Variants in SLCO3A1 observed in about 807,000 individuals in gnomAD.
SLCO3A1 encodes solute carrier organic anion transporter family member 3A1.
A neutral mutation model predicts 63.1 loss-of-function variants in SLCO3A1; 27 were observed. That is an observed-to-expected ratio of 0.43 (90% CI 0.32 to 0.59). The LOEUF (loss-of-function observed/expected upper bound fraction) is 0.59. SLCO3A1 is among the 20% of genes least tolerant of loss of function. The pLI is 0.09. For synonymous variants in SLCO3A1, 473 were observed against 409.9 expected (o/e 1.15, Z -1.86); for missense variants, 773 against 945.8 (o/e 0.82, Z 2.40).
rs575646986 is a variant in SLCO3A1, at chr15:91,968,076, G to A, written c.646+51618G>A. On this transcript the variant is annotated intron_variant, in intron 2 of 9. Transcript: ENST00000318445. This position sits in a 1 kb window ranked among gnomAD's most constrained non-coding sequence, Gnocchi z 4.2. The stretch of plus-strand genomic sequence containing the variant: ...ATTTTCTAGAGTCCCCTGCCTAGTC[G>A]CCCTGGAAAGTACCCAGGGAAGCCA... 3.9e-5 allele frequency among the ~76,000 whole-genome samples: 6 copies of A among 152,124 alleles called. No homozygotes were observed. The highest frequency in any genetic ancestry group is 1.9e-4 in the East Asian group (1 of 5,158).
At chr15:92,090,223 A>G (rs1452860906) in intron 2 of SLCO3A1, among the ~76,000 whole-genome samples, 4 of 152,280 alleles carry the variant, frequency 2.6e-5, no homozygotes, top group African/African-American at 4.8e-5. Context: ...ATGTAATGTC[A>G]CTGAAAGAAA....
At chr15:92,127,474 A>G (rs2047939507) in intron 6 of SLCO3A1, among the ~76,000 whole-genome samples, 1 of 152,202 alleles carries the variant, frequency 6.6e-6, no homozygotes, top group South Asian at 2.1e-4. Context: ...TCTAAAGCCC[A>G]TGGGGTTATA....
At chr15:91,930,726 G>GT (rs997697895) in intron 2 of SLCO3A1, among the ~76,000 whole-genome samples, 7 of 152,206 alleles carry the variant, frequency 4.6e-5, no homozygotes, top group Non-Finnish European at 1.0e-4. Flanking sequence ...ATCACCCAAT[G>GT]TTTATTAAGC....
rs1209796163 is a variant in SLCO3A1, at chr15:91,967,358, C to A, written c.646+50900C>A. Among the ~76,000 whole-genome samples, 1 of 152,128 alleles carries A rather than the reference C, an allele frequency of 6.6e-6. No individual in the cohort carries two copies. The highest frequency in any genetic ancestry group is 1.5e-5 in the Non-Finnish European group (1 of 68,028). Reference sequence around the variant, plus strand: ...AACTGCTCTACACAGAAATGAACAGCAGTATAGATTAACCCATAAGAGTCC... The same window carrying A: ...AACTGCTCTACACAGAAATGAACAGAAGTATAGATTAACCCATAAGAGTCC... On this transcript the variant is annotated intron_variant, in intron 2 of 9. Transcript: ENST00000318445. The surrounding 1 kb of genome is among the most constrained non-coding windows in gnomAD (Gnocchi z 4.4).
chr15:92,047,949 G>A (rs1357876030), intron 2 of SLCO3A1, among the ~76,000 whole-genome samples: 8 of 151,778 alleles, frequency 5.3e-5, no homozygotes, highest in Admixed American at 5.3e-4. Context: ...CTTGGATCTC[G>A]AGAGCTGAGG....
intron 2 of SLCO3A1, among the ~76,000 whole-genome samples, chr15:92,029,985 G>A (rs73536106): frequency 0.062 from 9,408 of 152,092 alleles, 990 homozygotes; most frequent in African/African-American, 0.22. Flanking sequence ...GGCTTCAACC[G>A]TTGCATTATT....
chr15:92,033,303 C>A lies in SLCO3A1; in HGVS notation c.647-61578C>A, dbSNP rs1005731226. 1.3e-5 allele frequency among the ~76,000 whole-genome samples: 2 copies of A among 152,140 alleles called. No homozygotes were observed. Among genetic ancestry groups the A allele is most frequent in the Admixed American group, 1.3e-4 (2 of 15,278 alleles). On this transcript the variant is annotated intron_variant, in intron 2 of 9. Transcript: ENST00000318445. The surrounding 1 kb of genome is among the most constrained non-coding windows in gnomAD (Gnocchi z 4.5). Reference sequence around the variant, plus strand: ...CAAGTGTGGAAATGGACACGGATGTCCTCTTAGTATTTCTGCCCTTTGGAG... The same window carrying A: ...CAAGTGTGGAAATGGACACGGATGTACTCTTAGTATTTCTGCCCTTTGGAG...
At chr15:91,966,160 C>T (rs905849236) in intron 2 of SLCO3A1, among the ~76,000 whole-genome samples, 1 of 152,128 alleles carries the variant, frequency 6.6e-6, no homozygotes, top group African/African-American at 2.4e-5. Flanking sequence ...TGAGAAATGA[C>T]CCAGACAGAA....
intron 2 of SLCO3A1, among the ~76,000 whole-genome samples, chr15:91,965,397 T>C (rs1900620883): frequency 1.3e-5 from 2 of 152,320 alleles, no homozygotes; most frequent in Admixed American, 1.3e-4. Flanking sequence ...GAAGAAGGAC[T>C]TTTAAAACTA....
At chr15:92,127,074 G>C (rs1371479845) in intron 6 of SLCO3A1, among the ~76,000 whole-genome samples, 1 of 152,250 alleles carries the variant, frequency 6.6e-6, no homozygotes, top group Non-Finnish European at 1.5e-5. Context: ...AGCAGGCAGA[G>C]TGGGAGAGCA....
chr15:91,993,815 T>A (rs1013799618), intron 2 of SLCO3A1, among the ~76,000 whole-genome samples: 1 of 152,230 alleles, frequency 6.6e-6, no homozygotes, highest in South Asian at 2.1e-4. Flanking sequence ...TGTTGCTGTT[T>A]CTACCCTGCT....
chr15:92,081,680 T>C (rs2047348469), intron 2 of SLCO3A1, among the ~76,000 whole-genome samples: 1 of 152,196 alleles, frequency 6.6e-6, no homozygotes, highest in Non-Finnish European at 1.5e-5. Context: ...CTGATGGTGC[T>C]TTTTAATGAG....
At chr15:92,064,790 T>C (rs997150376) in intron 2 of SLCO3A1, among the ~76,000 whole-genome samples, 5 of 152,206 alleles carry the variant, frequency 3.3e-5, no homozygotes, top group Non-Finnish European at 7.3e-5. Flanking sequence ...TTGCATGTTC[T>C]CACTTATATG....
chr15:92,099,215 C>T (rs536220680), intron 3 of SLCO3A1, among the ~76,000 whole-genome samples: 2 of 152,344 alleles, frequency 1.3e-5, no homozygotes, highest in East Asian at 3.9e-4. Context: ...GGTCAACAGA[C>T]TGAGAGCCTC....
At chr15:92,093,903 C>T (rs934092119) in intron 2 of SLCO3A1, among the ~76,000 whole-genome samples, 4 of 152,128 alleles carry the variant, frequency 2.6e-5, no homozygotes, top group African/African-American at 9.7e-5. Context: ...TCCAGGTGCC[C>T]GTGTGGCCTG....
At chr15:92,118,830 TC>T (rs57288348) in intron 4 of SLCO3A1, among the ~76,000 whole-genome samples, 34,727 of 152,136 alleles carry the variant, frequency 0.23, 4,428 homozygotes, top group African/African-American at 0.34. Flanking sequence ...TGTCAGATAC[TC>T]CACACTTTAT....
At chr15:92,079,950 A>G (rs2047322526) in intron 2 of SLCO3A1, among the ~76,000 whole-genome samples, 1 of 152,258 alleles carries the variant, frequency 6.6e-6, no homozygotes, top group African/African-American at 2.4e-5. Context: ...GCTCACACAC[A>G]GAATGCGGGC....
chr15:92,050,047 G>C (rs1305473218), intron 2 of SLCO3A1, among the ~76,000 whole-genome samples: 1 of 152,134 alleles, frequency 6.6e-6, no homozygotes, highest in African/African-American at 2.4e-5. Context: ...ATGTTTCCAG[G>C]GGTCATTGCC....
chr15:91,975,423 G>T (rs1292306644), intron 2 of SLCO3A1, among the ~76,000 whole-genome samples: 1 of 152,200 alleles, frequency 6.6e-6, no homozygotes, highest in Non-Finnish European at 1.5e-5. Flanking sequence ...ACTGGCGATT[G>T]CATTAAGCGG....
Sources: gnomAD v4.1 joint callset for allele counts (sites outside exome capture counted in the v4.1 genomes callset) on GRCh38, gnomAD v4.1.1 for gene constraint, Gnocchi (gnomAD v3.1) non-coding constraint, MANE v1.5 for transcripts, NCBI Gene and HGNC (gene_info 2026-07-23, HGNC 2026-07-21) for gene names.